Variants in ZBTB44 observed in about 807,000 individuals in gnomAD.
ZBTB44 encodes the protein zinc finger and BTB domain containing 44.
A neutral mutation model predicts 54.0 loss-of-function variants in ZBTB44; 15 were observed. The ratio of observed to expected loss-of-function variants is 0.28; its 90% CI spans 0.19 to 0.43. ZBTB44 has a LOEUF of 0.43. ZBTB44 is among the 20% of genes least tolerant of loss of function. The pLI is 1.00. For missense variants in ZBTB44, 487 were observed against 707.1 expected, an observed-to-expected ratio of 0.69 and a Z score of 3.53; for synonymous variants, 230 against 250.1, an observed-to-expected ratio of 0.92 and a Z score of 0.76.
intron 3 of ZBTB44, 162 bp downstream of exon 3, chr11:130,239,650 T>C (rs1954266532): frequency 3.7e-6 from 2 of 535,152 alleles, no homozygotes; most frequent in South Asian, 4.6e-5. Flanking sequence ...AAGCCTTGTA[T>C]AGGTACTCTA....
chr11:130,264,328 AAAG>A (rs1347229484), intron 1 of ZBTB44, among the ~76,000 whole-genome samples: 1 of 152,200 alleles, frequency 6.6e-6, no homozygotes, highest in Non-Finnish European at 1.5e-5. Flanking sequence ...AAGAGAAGTG[AAAG>A]AAGAAAGTTG....
At chr11:130,293,622 G>GAAAAAA (rs771432644) in intron 1 of ZBTB44, among the ~76,000 whole-genome samples, 1 of 100,056 alleles carries the variant, frequency 1.0e-5, no homozygotes, top group Non-Finnish European at 2.2e-5. Flanking sequence ...TCTACTTAAA[G>GAAAAAA]AAAAAAAAAA....
At chr11:130,290,514 C>G (rs929356968) in intron 1 of ZBTB44, among the ~76,000 whole-genome samples, 2 of 152,210 alleles carry the variant, frequency 1.3e-5, no homozygotes, top group African/African-American at 4.8e-5. Flanking sequence ...TCCACTGCCA[C>G]TGCCTCTGCC....
At chr11:130,238,687 G>GA (rs1954219416) in intron 3 of ZBTB44, 80 bp from the exon 4 acceptor site, 14 of 1,318,242 alleles carry the variant, frequency 1.1e-5, no homozygotes, top group Non-Finnish European at 1.3e-5. Context: ...AATTTTAAAT[G>GA]AAAAAAGATA....
intron 1 of ZBTB44, among the ~76,000 whole-genome samples, chr11:130,274,130 A>G (rs1216576469): frequency 6.6e-6 from 1 of 152,054 alleles, no homozygotes; most frequent in Non-Finnish European, 1.5e-5. Flanking sequence ...TTTGAATTTT[A>G]GAATATTTGC....
chr11:130,233,016 A>AG, intron 7 of ZBTB44: 2 of 189,822 alleles, frequency 1.1e-5, no homozygotes, highest in South Asian at 1.5e-4. Context: ...AAAAAAAAAG[A>AG]AAAAAAAAAA....
intron 2 of ZBTB44, among the ~76,000 whole-genome samples, chr11:130,246,441 C>T (rs550970701): frequency 1.6e-4 from 24 of 152,272 alleles, no homozygotes; most frequent in Non-Finnish European, 2.9e-5. Context: ...AGACACTTTT[C>T]ACCTTGTGAA....
In ZBTB44 at chr11:130,314,780, G is replaced by A. The variant is rs1292485246; in HGVS notation, c.-462C>T. 6.1e-5 allele frequency: 9 copies of A among 146,678 alleles called. No individual in the cohort carries two copies. The highest frequency in any genetic ancestry group is 2.3e-4 in the African/African-American group (9 of 39,930). 9.1% of individuals were successfully genotyped at this position (146,678 alleles called of 1,614,324 possible). A position where few individuals can be genotyped will look rare whatever the true frequency, so the allele number is the denominator to read the frequency against. On this transcript the variant is annotated 5_prime_UTR_variant, in exon 1 of 8. Transcript: ENST00000357899. The stretch of plus-strand genomic sequence containing the variant: ...GCGTGTTCCCAGCGGGGCGGGGTGG[G>A]GAAGGGGAAGGGGACTGAGGGGAGG...
intron 2 of ZBTB44, among the ~76,000 whole-genome samples, chr11:130,245,191 T>C (rs939807322): frequency 6.6e-6 from 1 of 152,202 alleles, no homozygotes; most frequent in Non-Finnish European, 1.5e-5. Flanking sequence ...ATGTGTAGCA[T>C]TTCTGTGTGT....
At chr11:130,266,984 AGCTGGGCGC>A (rs1939296673) in intron 1 of ZBTB44, among the ~76,000 whole-genome samples, 1 of 152,180 alleles carries the variant, frequency 6.6e-6, no homozygotes, top group Admixed American at 6.5e-5. Flanking sequence ...AATTTTTTTT[AGCTGGGCGC>A]AATGGCTCAC....
At chr11:130,313,924 A>T (rs141301781) in intron 1 of ZBTB44, among the ~76,000 whole-genome samples, 2 of 86,324 alleles carry the variant, frequency 2.3e-5, no homozygotes, top group African/African-American at 3.5e-5. Flanking sequence ...GTGTGTGTGT[A>T]TGTGTGTGTG....
intron 1 of ZBTB44, chr11:130,296,915 T>C (rs1941687822): frequency 4.1e-6 from 3 of 732,430 alleles, no homozygotes. Context: ...TTGATCTGAA[T>C]GTCAATGGCA....
At chr11:130,286,180 A>G (rs981608656) in intron 1 of ZBTB44, among the ~76,000 whole-genome samples, 1 of 152,222 alleles carries the variant, frequency 6.6e-6, no homozygotes, top group African/African-American at 2.4e-5. Flanking sequence ...GATCTTTAAA[A>G]AAATGAAAAA....
chr11:130,273,307 ATT>A (rs34506406), intron 1 of ZBTB44, among the ~76,000 whole-genome samples: 3 of 126,282 alleles, frequency 2.4e-5, no homozygotes, highest in Non-Finnish European at 1.6e-5. Flanking sequence ...TATTTTCTTA[ATT>A]TTTTTTTTTT....
chr11:130,234,940 T>C (rs1341429250), intron 5 of ZBTB44, among the ~76,000 whole-genome samples: 5 of 152,222 alleles, frequency 3.3e-5, no homozygotes, highest in African/African-American at 1.2e-4. Flanking sequence ...AAACAGTGGC[T>C]ACTTTCCTTA....
chr11:130,283,393 C>G (rs1342499354), intron 1 of ZBTB44, among the ~76,000 whole-genome samples: 1 of 152,106 alleles, frequency 6.6e-6, no homozygotes. Context: ...TAAGTACAAT[C>G]ACACTGTTGT....
intron 1 of ZBTB44, among the ~76,000 whole-genome samples, chr11:130,278,877 A>C (rs888998366): frequency 1.3e-5 from 2 of 152,148 alleles, no homozygotes; most frequent in African/African-American, 2.4e-5. Context: ...GAACACACTT[A>C]TGATGGCTAT....
chr11:130,293,471 CAAAA>C (rs1197563571), intron 1 of ZBTB44, among the ~76,000 whole-genome samples: 2 of 78,622 alleles, frequency 2.5e-5, no homozygotes. Context: ...GATCTTGTAT[CAAAA>C]AAAAAAAAAA....
At chr11:130,275,868 G>A (rs1303796677) in intron 1 of ZBTB44, among the ~76,000 whole-genome samples, 1 of 151,682 alleles carries the variant, frequency 6.6e-6, no homozygotes, top group Non-Finnish European at 1.5e-5. Context: ...CCTCGTGATC[G>A]GCCCACCTTG....
Sources: gnomAD v4.1 joint callset for allele counts (sites outside exome capture counted in the v4.1 genomes callset) on GRCh38, gnomAD v4.1.1 for gene constraint, MANE v1.5 for transcripts, NCBI Gene and HGNC (gene_info 2026-07-23, HGNC 2026-07-21) for gene names.